Variants in RERE observed in about 807,000 individuals in gnomAD.
RERE encodes the protein arginine-glutamic acid dipeptide repeats protein.
A neutral mutation model predicts 146.1 loss-of-function variants in RERE; 40 were observed. The observed-to-expected ratio is 0.27, with a 90% confidence interval of 0.21 to 0.36. The LOEUF (loss-of-function observed/expected upper bound fraction) is 0.36, where lower values mean the gene tolerates loss of function less well. Among genes scored for constraint, RERE ranks in the 10% least tolerant of loss-of-function variants. The pLI is 1.00. For synonymous variants in RERE, 1,003 were observed against 866.0 expected (o/e 1.16, Z -2.78); for missense variants, 1,933 against 2,138.7 (o/e 0.90, Z 1.90).
intron 12 of RERE, among the ~76,000 whole-genome samples, chr1:8,408,278 TA>T (rs1402417562): frequency 6.6e-6 from 1 of 151,260 alleles, no homozygotes; most frequent in Admixed American, 6.6e-5. Flanking sequence ...CAAAGCCGAG[TA>T]GTAACAAAGG....
intron 4 of RERE, among the ~76,000 whole-genome samples, chr1:8,564,870 G>GTGTGTGTATA (rs1269710840): frequency 1.2e-4 from 15 of 127,402 alleles, no homozygotes; most frequent in Admixed American, 2.3e-4. Context: ...GTGTGTGTGT[G>GTGTGTGTATA]TATATATATA....
Position 8,410,198 on chromosome 1 carries a change from CAGGGGAGGGGGGCCGCCCTGGCTGGGG to C in RERE, c.1284+12502_1284+12528del, listed in dbSNP as rs536881332. ...TGCCTGCTGGGTAAGGAGGGCTGGG[CAGGGGAGGGGGGCCGCCCTGGCTGGGG>C]GACACGGCTGGGGCCATTGTTGCCA... On this transcript the variant is annotated intron_variant, in intron 12 of 22. Transcript: ENST00000400908. Among the ~76,000 whole-genome samples, 18 of 152,134 alleles carry C rather than the reference CAGGGGAGGGGGGCCGCCCTGGCTGGGG, an allele frequency of 1.2e-4. No homozygotes were observed. In the South Asian group the frequency reaches 3.7e-3, roughly 32 times the overall value.
At chr1:8,369,508 T>TAAAAAA (rs1186718390) in intron 12 of RERE, among the ~76,000 whole-genome samples, 76 of 76,888 alleles carry the variant, frequency 9.9e-4, no homozygotes, top group African/African-American at 2.4e-3. Context: ...CGCCTTTTAC[T>TAAAAAA]AAAAAAAAAA....
chr1:8,468,720 C>G (rs1010473971), intron 10 of RERE, among the ~76,000 whole-genome samples: 3 of 152,076 alleles, frequency 2.0e-5, no homozygotes, highest in African/African-American at 7.2e-5. Flanking sequence ...CTCATCTCTA[C>G]TAAAAATTTA....
At chr1:8,436,103 G>A (rs755506235) in intron 11 of RERE, among the ~76,000 whole-genome samples, 34 of 152,198 alleles carry the variant, frequency 2.2e-4, no homozygotes, top group Non-Finnish European at 3.7e-4. Flanking sequence ...GGCAGATCAC[G>A]AGGTCAGGAG....
chr1:8,657,306 C>CAAAAAAAAAAAA (rs1400489828), intron 1 of RERE, among the ~76,000 whole-genome samples: 1 of 14,224 alleles, frequency 7.0e-5, no homozygotes, highest in African/African-American at 2.8e-4. Context: ...GACTCCGTCT[C>CAAAAAAAAAAAA]AAAAAAAAAA....
chr1:8,736,061 T>C (rs1006002555), intron 1 of RERE, among the ~76,000 whole-genome samples: 4 of 152,238 alleles, frequency 2.6e-5, no homozygotes, highest in Non-Finnish European at 5.9e-5. Context: ...AGGATGATTC[T>C]ACAGTAAATA....
chr1:8,355,824 G>GCCAGGTGCTTCT (rs1641267607), intron 21 of RERE, among the ~76,000 whole-genome samples: 1 of 152,044 alleles, frequency 6.6e-6, no homozygotes, highest in Admixed American at 6.5e-5. Flanking sequence ...CTCCTCCAAG[G>GCCAGGTGCTTCT]CCTCAGCCCA....
intron 10 of RERE, among the ~76,000 whole-genome samples, chr1:8,471,314 CT>C (rs1220981990): frequency 6.6e-6 from 1 of 151,892 alleles, no homozygotes; most frequent in Non-Finnish European, 1.5e-5. Flanking sequence ...AATAGCCCTT[CT>C]TTTTTTCTCT....
At position 8,352,882 on chromosome 1, in the gene RERE, G is replaced by A. The variant is rs1017933942; in HGVS notation, c.*2205C>T. On this transcript the variant is annotated 3_prime_UTR_variant, in exon 23 of 23. Transcript: ENST00000400908. ...AAGAATGCCTTCGGACGGCTTTCAA[G>A]CACAGACCTCAGAGGACTCGACTCT... 2.0e-5 allele frequency: 3 copies of A among 152,584 alleles called. No individual in the cohort carries two copies. The highest frequency in any genetic ancestry group is 4.4e-5 in the Non-Finnish European group (3 of 68,044). The allele number at this position is 152,584 out of a possible 1,614,324, so 9.5% of individuals were successfully genotyped here.
intron 12 of RERE, among the ~76,000 whole-genome samples, chr1:8,403,648 G>A (rs566871815): frequency 6.6e-6 from 1 of 151,796 alleles, no homozygotes; most frequent in African/African-American, 2.4e-5. Context: ...TTACGAGCGT[G>A]AGCCACAGCC....
chr1:8,667,386 C>T (rs1638600325), intron 1 of RERE, among the ~76,000 whole-genome samples: 1 of 152,310 alleles, frequency 6.6e-6, no homozygotes, highest in South Asian at 2.1e-4. Flanking sequence ...AAAAAACACA[C>T]AAACTCGGCT....
intron 12 of RERE, among the ~76,000 whole-genome samples, chr1:8,412,700 A>C (rs1334279715): frequency 1.3e-5 from 2 of 152,244 alleles, no homozygotes; most frequent in African/African-American, 4.8e-5. Context: ...CCGCTGCGCA[A>C]ACAGGAGAGT....
intron 1 of RERE, among the ~76,000 whole-genome samples, chr1:8,791,400 G>C (rs1267923587): frequency 2.0e-5 from 3 of 152,120 alleles, no homozygotes; most frequent in African/African-American, 7.2e-5. Context: ...CTCCAGGAGG[G>C]TAGGGACACA....
intron 1 of RERE, among the ~76,000 whole-genome samples, chr1:8,813,614 C>CTTTTTTTTT (rs34918730): frequency 2.5e-5 from 3 of 121,150 alleles, no homozygotes; most frequent in Non-Finnish European, 3.4e-5. Context: ...CTATTTTTTC[C>CTTTTTTTTT]TTTTTTTTTT....
chr1:8,457,831 C>A lies in RERE; in HGVS notation c.1203+8094G>T, dbSNP rs142681878. Reference sequence around the variant, plus strand: ...GGCCAGGCTGGTCCTGAACTCCTGACCTCACTTGATCTCCCTGCCTCCGCC... The same window carrying A: ...GGCCAGGCTGGTCCTGAACTCCTGAACTCACTTGATCTCCCTGCCTCCGCC... On this transcript the variant is annotated intron_variant, in intron 11 of 22. Transcript: ENST00000400908. Among the ~76,000 whole-genome samples the A allele has an allele frequency of 5.3e-3, 799 of 152,188 alleles. 8 individuals carry two copies. The highest frequency in any genetic ancestry group is 0.018 in the African/African-American group (768 of 41,526).
chr1:8,371,825 T>C (rs1642048196), intron 12 of RERE, among the ~76,000 whole-genome samples: 1 of 152,226 alleles, frequency 6.6e-6, no homozygotes, highest in Non-Finnish European at 1.5e-5. Context: ...TCTGCTGTTC[T>C]GGCCAGGCCC....
chr1:8,355,703 A>G, intron 21 of RERE, 104 bp from the exon 22 acceptor site: 1 of 1,015,314 alleles, frequency 9.8e-7, no homozygotes. Context: ...GAGAGGTGCC[A>G]GTTCGGACAC....
intron 3 of RERE, among the ~76,000 whole-genome samples, chr1:8,615,269 C>A (rs1193646143): frequency 6.6e-6 from 1 of 152,186 alleles, no homozygotes; most frequent in Non-Finnish European, 1.5e-5. Flanking sequence ...ACAATATTCA[C>A]ATGAGTTATA....
Sources: gnomAD v4.1 joint callset for allele counts (sites outside exome capture counted in the v4.1 genomes callset) on GRCh38, gnomAD v4.1.1 for gene constraint, MANE v1.5 for transcripts, NCBI Gene and HGNC (gene_info 2026-07-23, HGNC 2026-07-21) for gene names.